KCNJ6: variants seen among roughly 807,000 people sequenced by gnomAD.
KCNJ6 encodes potassium inwardly rectifying channel subfamily J member 6, also known as G protein-activated inward rectifier potassium channel 2.
In KCNJ6, 9 loss-of-function variants were observed where a neutral mutation model predicts 34.2. The ratio of observed to expected loss-of-function variants is 0.26; its 90% CI spans 0.16 to 0.46. The LOEUF (loss-of-function observed/expected upper bound fraction) is 0.46. KCNJ6 is among the 20% of genes least tolerant of loss of function. The pLI is 1.00. For synonymous variants in KCNJ6, 196 were observed against 207.1 expected, an observed-to-expected ratio of 0.95 and a Z score of 0.46; for missense variants, 236 against 531.3, an observed-to-expected ratio of 0.44 and a Z score of 5.46.
chr21:37,761,001 G>A (rs1227488478), intron 2 of KCNJ6, among the ~76,000 whole-genome samples: 1 of 152,206 alleles, frequency 6.6e-6, no homozygotes, highest in Non-Finnish European at 1.5e-5. Context: ...GAAGAAAGAT[G>A]CACTTTGTGG....
At chr21:37,836,255 G>A (rs1466408392) in intron 2 of KCNJ6, among the ~76,000 whole-genome samples, 1 of 152,200 alleles carries the variant, frequency 6.6e-6, no homozygotes, top group African/African-American at 2.4e-5. Flanking sequence ...TGCTAGAGAG[G>A]ATGTGGAGAA....
intron 3 of KCNJ6, among the ~76,000 whole-genome samples, chr21:37,683,874 G>A (rs1709804): frequency 0.88 from 134,354 of 152,164 alleles, 60,074 homozygotes; most frequent in Non-Finnish European, 0.95. Flanking sequence ...CTGGCTTCTC[G>A]TCATGCCTAC....
chr21:37,740,901 T>G (rs1569454974), intron 2 of KCNJ6, among the ~76,000 whole-genome samples: 1 of 152,252 alleles, frequency 6.6e-6, no homozygotes, highest in Non-Finnish European at 1.5e-5. Flanking sequence ...CTTTTGCCTT[T>G]AGATCTCTGA....
Position 37,611,879 on chromosome 21 carries a change from T to A in KCNJ6, c.*13280A>T. 6.6e-6 allele frequency: 1 copy of A among 151,738 alleles called. No homozygotes were observed. The highest frequency in any genetic ancestry group is 1.5e-5 in the Non-Finnish European group (1 of 67,910). 9.4% of individuals were successfully genotyped at this position (151,738 alleles called of 1,614,324 possible). A position where few individuals can be genotyped will look rare whatever the true frequency, so the allele number is the denominator to read the frequency against. On this transcript the variant is annotated 3_prime_UTR_variant, in exon 4 of 4. Transcript: ENST00000609713. Reference sequence around the variant, plus strand: ...ACCTTACAGCTAACATCATACTAAATGGCGTGATGGTGAGAAACCTGAAGC... The same window carrying A: ...ACCTTACAGCTAACATCATACTAAAAGGCGTGATGGTGAGAAACCTGAAGC...
chr21:37,700,884 G>T (rs1043017661), intron 3 of KCNJ6, among the ~76,000 whole-genome samples: 6 of 152,158 alleles, frequency 3.9e-5, no homozygotes, highest in Admixed American at 6.5e-5. Flanking sequence ...GAGAGCCTAT[G>T]GTCTGGCAGC....
chr21:37,904,721 G>GTA (rs1207078277), intron 1 of KCNJ6, among the ~76,000 whole-genome samples: 1 of 152,162 alleles, frequency 6.6e-6, no homozygotes, highest in Non-Finnish European at 1.5e-5. Flanking sequence ...GAGAAGGTTT[G>GTA]TAGTTTGACA....
chr21:37,661,002 A>G (rs2123397933), intron 3 of KCNJ6, among the ~76,000 whole-genome samples: 1 of 152,328 alleles, frequency 6.6e-6, no homozygotes, highest in South Asian at 2.1e-4. Flanking sequence ...TTACAGGGAA[A>G]ACACTTTCAT....
chr21:37,781,551 T>A (rs2055169469), intron 2 of KCNJ6, among the ~76,000 whole-genome samples: 1 of 152,154 alleles, frequency 6.6e-6, no homozygotes, highest in Admixed American at 6.5e-5. Context: ...AAAATTATGA[T>A]GATGAGGAAC....
At chr21:37,774,504 C>T (rs1246605083) in intron 2 of KCNJ6, among the ~76,000 whole-genome samples, 2 of 151,838 alleles carry the variant, frequency 1.3e-5, no homozygotes, top group African/African-American at 2.4e-5. Flanking sequence ...CCCCCCCTCC[C>T]CCTACCCCAC....
intron 3 of KCNJ6, among the ~76,000 whole-genome samples, chr21:37,702,282 T>A (rs1322147290): frequency 6.9e-6 from 1 of 145,454 alleles, no homozygotes; most frequent in Non-Finnish European, 1.5e-5. Context: ...CCAAGTGAAC[T>A]TTGGTAGCGT....
At chr21:37,900,241 T>C (rs907942426) in intron 1 of KCNJ6, among the ~76,000 whole-genome samples, 10 of 152,294 alleles carry the variant, frequency 6.6e-5, no homozygotes, top group African/African-American at 2.2e-4. Flanking sequence ...GTGTGGGAGA[T>C]GCTTATACAG....
At chr21:37,882,605 C>A (rs1012793604) in intron 1 of KCNJ6, among the ~76,000 whole-genome samples, 2 of 152,296 alleles carry the variant, frequency 1.3e-5, no homozygotes. Flanking sequence ...GGCCAAATTC[C>A]TCATGGTTTA....
At chr21:37,901,155 T>C (rs1350775905) in intron 1 of KCNJ6, among the ~76,000 whole-genome samples, 1 of 152,254 alleles carries the variant, frequency 6.6e-6, no homozygotes, top group African/African-American at 2.4e-5. Flanking sequence ...TTATTGTCTT[T>C]GGTCAAGCTG....
chr21:37,821,874 G>T (rs2123554582), intron 2 of KCNJ6, among the ~76,000 whole-genome samples: 1 of 152,298 alleles, frequency 6.6e-6, no homozygotes, highest in Admixed American at 6.5e-5. Context: ...CAGTTTTCCT[G>T]TAATGGTTTT....
intron 2 of KCNJ6, among the ~76,000 whole-genome samples, chr21:37,813,212 T>G (rs902279391): frequency 6.6e-6 from 1 of 151,680 alleles, no homozygotes; most frequent in Non-Finnish European, 1.5e-5. Context: ...GAAGTGAAAA[T>G]CTCTATAATG....
In KCNJ6 at chr21:37,617,288, A is replaced by G. The variant is rs1249836780; in HGVS notation, c.*7871T>C. The stretch of plus-strand genomic sequence containing the variant: ...GGCTGGAGTGCAGTGGCATGATCTC[A>G]GCTTACTGCAACCTCCCCCTCCCAA... On this transcript the variant is annotated 3_prime_UTR_variant, in exon 4 of 4. Transcript: ENST00000609713. The G allele has an allele frequency of 2.9e-4, 43 of 149,490 alleles. No individual in the cohort carries two copies. In the Admixed American group the frequency reaches 2.9e-3, roughly 10 times the overall value. The allele number at this position is 149,490 out of a possible 1,614,324, so 9.3% of individuals were successfully genotyped here.
chr21:37,858,705 G>A (rs189418879), intron 1 of KCNJ6, among the ~76,000 whole-genome samples: 16 of 152,254 alleles, frequency 1.1e-4, no homozygotes, highest in Non-Finnish European at 1.6e-4. Context: ...CCACACTGGT[G>A]TTCAAGCAAA....
intron 1 of KCNJ6, among the ~76,000 whole-genome samples, chr21:37,900,816 A>AC (rs2055813352): frequency 1.3e-5 from 2 of 152,166 alleles, no homozygotes; most frequent in African/African-American, 2.4e-5. Flanking sequence ...AGGGAGTGAG[A>AC]CCCACAGTAA....
chr21:37,805,497 C>A (rs1202261907), intron 2 of KCNJ6, among the ~76,000 whole-genome samples: 4 of 151,928 alleles, frequency 2.6e-5, no homozygotes, highest in Admixed American at 1.3e-4. Context: ...TCTCTTGCTA[C>A]CCTTTGCATC....
Sources: gnomAD v4.1 joint callset for allele counts (sites outside exome capture counted in the v4.1 genomes callset) on GRCh38, gnomAD v4.1.1 for gene constraint, MANE v1.5 for transcripts, NCBI Gene and HGNC (gene_info 2026-07-23, HGNC 2026-07-21) for gene names.